The following WDR76 variants were observed in gnomAD, a reference collection of about 807,000 sequenced individuals.
The protein encoded by WDR76 is WD repeat-containing protein 76.
A neutral mutation model predicts 70.2 loss-of-function variants in WDR76; 52 were observed. The ratio of observed to expected loss-of-function variants is 0.74; its 90% CI spans 0.59 to 0.93. The LOEUF (loss-of-function observed/expected upper bound fraction) is 0.93, where lower values mean the gene tolerates loss of function less well. WDR76 is among the 40% of genes least tolerant of loss of function. WDR76 has a pLI of 0.00. For missense variants in WDR76, 756 were observed against 760.2 expected (o/e 0.99, Z 0.07); for synonymous variants, 292 against 271.1 (o/e 1.08, Z -0.76).
At chr15:43,853,590 C>G (rs943395678) in intron 9 of WDR76, among the ~76,000 whole-genome samples, 2 of 152,094 alleles carry the variant, frequency 1.3e-5, no homozygotes, top group African/African-American at 4.8e-5. Context: ...GGCAAAGGAT[C>G]TGAATAAACA....
intron 5 of WDR76, among the ~76,000 whole-genome samples, chr15:43,841,200 T>G (rs1463420764): frequency 7.0e-6 from 1 of 142,220 alleles, no homozygotes; most frequent in Non-Finnish European, 1.5e-5. Context: ...TTTGTTTTTT[T>G]GTTTTTTTTT....
At chr15:43,850,469 G>T (rs989988578) in intron 8 of WDR76, among the ~76,000 whole-genome samples, 25 of 151,700 alleles carry the variant, frequency 1.6e-4, no homozygotes, top group Non-Finnish European at 2.8e-4. Context: ...CTAGTTTTTT[G>T]TATTTTTAGT....
chr15:43,842,724 TAA>T (rs2087741235), intron 7 of WDR76, 53 bp downstream of exon 7: 1 of 1,526,206 alleles, frequency 6.6e-7, no homozygotes, highest in Non-Finnish European at 9.0e-7. Flanking sequence ...GTTTGAGTTA[TAA>T]AGACTATACG....
At position 43,828,393 on chromosome 15, in the gene WDR76, T is replaced by G. The variant is rs770016854; in HGVS notation, c.462+27T>G. ...TAAGAACTTAATTAGTAGCTTGTTC[T>G]GGTTTCTCTTTTTTGAAATTTGAAG... is the stretch of plus-strand genomic sequence containing the variant. On this transcript the variant is annotated intron_variant, in intron 2 of 12. Transcript: ENST00000263795. The G allele has an allele frequency of 2.6e-6, 4 of 1,549,542 alleles. No individual in the cohort carries two copies. In the South Asian group the frequency reaches 4.9e-5, roughly 19 times the overall value.
At chr15:43,839,438 T>A (rs565002966) in intron 4 of WDR76, among the ~76,000 whole-genome samples, 167 bp from the exon 5 acceptor site, 1 of 152,226 alleles carries the variant, frequency 6.6e-6, no homozygotes, top group Non-Finnish European at 1.5e-5. Flanking sequence ...CATTTAGGTT[T>A]GTTTTTTCCA....
Position 43,827,944 on chromosome 15 carries a change from TTC to T in WDR76, c.61-19_61-18del, listed in dbSNP as rs750830242. ...GGACTTGGAGTTCTAATATTCTGTT[TTC>T]TTTTATTGATCTGAATAGGTAAATG... is the stretch of plus-strand genomic sequence containing the variant. On this transcript the variant is annotated intron_variant, in intron 1 of 12. Transcript: ENST00000263795. The T allele has an allele frequency of 6.4e-7, 1 of 1,571,988 alleles. No homozygotes were observed. Among genetic ancestry groups the T allele is most frequent in the Admixed American group, 2.0e-5 (1 of 50,358 alleles).
Position 43,866,130 on chromosome 15 carries a change from A to G in WDR76, c.1619A>G (p.His540Arg), listed in dbSNP as rs1318872104. Residue 540 changes from histidine to arginine, a missense_variant and splice_region_variant, in exon 13 of 13, where the codon CAC becomes CGC. His to Arg is a conservative substitution (Grantham distance 29). Transcript: ENST00000263795. ...AAATATATTGTTTTCCTCACTAGGC[A>G]CAACACTTTCACTGGGCGATGGCTG... ...SKIPLLTTIR[H>R]NTFTGRWLTR... The G allele has an allele frequency of 6.2e-7, 1 of 1,613,996 alleles. No homozygotes were observed. Among genetic ancestry groups the G allele is most frequent in the African/African-American group, 1.3e-5 (1 of 74,936 alleles).
intron 8 of WDR76, among the ~76,000 whole-genome samples, chr15:43,847,001 A>C (rs1220617077): frequency 1.4e-5 from 2 of 144,944 alleles, no homozygotes; most frequent in Non-Finnish European, 3.0e-5. Flanking sequence ...CAGCCTGGGA[A>C]ACAAGAGCAA....
intron 2 of WDR76, 71 bp from the exon 3 acceptor site, chr15:43,834,990 A>T (rs1182250679): frequency 3.2e-6 from 4 of 1,248,590 alleles, no homozygotes; most frequent in Non-Finnish European, 4.6e-6. Flanking sequence ...AAAATGAAAC[A>T]TGTAGTTTTG....
intron 8 of WDR76, among the ~76,000 whole-genome samples, chr15:43,847,182 T>G (rs1238935184): frequency 6.6e-6 from 1 of 152,138 alleles, no homozygotes; most frequent in Non-Finnish European, 1.5e-5. Flanking sequence ...ATTTCCCCAG[T>G]TTTTTTAAAA....
Position 43,858,868 on chromosome 15 carries a change from T to G in WDR76, c.1562+45T>G, listed in dbSNP as rs550422987. 1.5e-5 allele frequency: 24 copies of G among 1,589,980 alleles called. No individual in the cohort carries two copies. The South Asian group carries it at 2.7e-4, about 18-fold the overall frequency. On this transcript the variant is annotated intron_variant, in intron 11 of 12. Coordinates refer to ENST00000263795, the MANE Select transcript of WDR76 (RefSeq NM_024908.4). The stretch of plus-strand genomic sequence containing the variant: ...ATGTTTTTAGGGAATCTAAAGAGTC[T>G]ATAGCTACTGTGTCAGTAAACCAAA...
intron 10 of WDR76, 33 bp downstream of exon 10, chr15:43,857,196 C>G: frequency 1.3e-6 from 2 of 1,548,606 alleles, no homozygotes; most frequent in South Asian, 1.2e-5. Context: ...TGACTTAGAC[C>G]TTTTAATGTC....
intron 11 of WDR76, among the ~76,000 whole-genome samples, chr15:43,859,517 G>T (rs943455833): frequency 6.6e-6 from 1 of 152,204 alleles, no homozygotes; most frequent in Admixed American, 6.5e-5. Flanking sequence ...TTATTCAGTT[G>T]AATGTATACT....
intron 2 of WDR76, among the ~76,000 whole-genome samples, chr15:43,830,562 CA>C (rs1244207750): frequency 0.016 from 766 of 49,248 alleles, 4 homozygotes; most frequent in African/African-American, 0.036. Flanking sequence ...AACTCCGTCT[CA>C]AAAAAAAAAA....
chr15:43,857,448 A>G (rs2140311378), intron 10 of WDR76: 1 of 985,168 alleles, frequency 1.0e-6, no homozygotes, highest in Non-Finnish European at 1.2e-6. Context: ...TTTAAATTTC[A>G]CAGAAAAAAA....
intron 11 of WDR76, among the ~76,000 whole-genome samples, chr15:43,860,616 C>T (rs1004497164): frequency 6.6e-5 from 10 of 152,010 alleles, no homozygotes; most frequent in African/African-American, 2.4e-4. Flanking sequence ...AATCTTACGG[C>T]CTCAGCTTCC....
At chr15:43,852,429 T>C (rs1159098264) in intron 9 of WDR76, among the ~76,000 whole-genome samples, 1 of 152,008 alleles carries the variant, frequency 6.6e-6, no homozygotes, top group East Asian at 1.9e-4. Context: ...TGGAGTGCAG[T>C]GGTGCGATCT....
At chr15:43,857,468 T>G in intron 10 of WDR76, 1 of 985,434 alleles carries the variant, frequency 1.0e-6, no homozygotes, top group Non-Finnish European at 1.2e-6. Flanking sequence ...AAGTTACATG[T>G]GACCTATAAC....
chr15:43,837,095 T>A (rs1248365517), intron 4 of WDR76, among the ~76,000 whole-genome samples: 1 of 151,908 alleles, frequency 6.6e-6, no homozygotes, highest in African/African-American at 2.4e-5. Context: ...CAAAACAGCT[T>A]ATAAGTGGTA....
Sources: allele counts gnomAD v4.1 joint callset (sites outside exome capture counted in the v4.1 genomes callset), GRCh38; gene constraint gnomAD v4.1.1; transcripts MANE v1.5; gene names NCBI Gene and HGNC (gene_info 2026-07-23, HGNC 2026-07-21).